IMMP2L: variants seen among roughly 807,000 people sequenced by gnomAD.
The protein encoded by IMMP2L is mitochondrial inner membrane protease subunit 2.
In IMMP2L, 18 loss-of-function variants were observed where a neutral mutation model predicts 19.3. The observed-to-expected ratio is 0.93, with a 90% CI of 0.64 to 1.38. The LOEUF (loss-of-function observed/expected upper bound fraction) is 1.38, where lower values mean the gene tolerates loss of function less well. Among genes scored for constraint, IMMP2L ranks in the 40% most tolerant of loss-of-function variants. The probability of loss-of-function intolerance (pLI) is 0.00; values close to 1 mark genes in which losing one functional copy is unlikely to be tolerated. For missense variants in IMMP2L, 233 were observed against 218.2 expected, an observed-to-expected ratio of 1.07 and a Z score of -0.43; for synonymous variants, 76 against 73.0, an observed-to-expected ratio of 1.04 and a Z score of -0.21.
intron 5 of IMMP2L, among the ~76,000 whole-genome samples, chr7:110,705,407 C>G (rs1794588424): frequency 6.6e-6 from 1 of 151,914 alleles, no homozygotes; most frequent in Non-Finnish European, 1.5e-5. Flanking sequence ...TATCTGCTTG[C>G]TGTGAACTGA....
intron 3 of IMMP2L, among the ~76,000 whole-genome samples, chr7:111,431,930 T>A (rs547207659): frequency 1.3e-5 from 2 of 150,056 alleles, no homozygotes; most frequent in Admixed American, 6.6e-5. Flanking sequence ...TCCTCAGATT[T>A]AAAAAAAAAA....
At chr7:110,873,640 G>A (rs1808767394) in intron 5 of IMMP2L, among the ~76,000 whole-genome samples, 1 of 151,220 alleles carries the variant, frequency 6.6e-6, no homozygotes, top group Non-Finnish European at 1.5e-5. Context: ...CAGGCATGGT[G>A]GCACACACCT....
intron 3 of IMMP2L, among the ~76,000 whole-genome samples, chr7:111,455,436 C>T (rs1462457064): frequency 1.3e-5 from 2 of 152,010 alleles, no homozygotes; most frequent in African/African-American, 4.8e-5. Context: ...AAAAGTATGA[C>T]TTTTGATCCA....
At chr7:110,864,600 C>G (rs1461016297) in intron 5 of IMMP2L, among the ~76,000 whole-genome samples, 1 of 151,952 alleles carries the variant, frequency 6.6e-6, no homozygotes, top group Non-Finnish European at 1.5e-5. Flanking sequence ...TGAAGAAACA[C>G]AGAGTGCAAA....
intron 3 of IMMP2L, among the ~76,000 whole-genome samples, chr7:111,281,492 C>T (rs1227915648): frequency 6.6e-6 from 1 of 152,100 alleles, no homozygotes; most frequent in Admixed American, 6.6e-5. Context: ...GAAGTCTATA[C>T]TTTATATACT....
intron 3 of IMMP2L, among the ~76,000 whole-genome samples, chr7:111,070,295 G>A (rs1794844388): frequency 6.6e-6 from 1 of 152,130 alleles, no homozygotes; most frequent in East Asian, 1.9e-4. Context: ...AATATCAGCA[G>A]TCTAACATGC....
chr7:111,528,828 T>G (rs776410108), intron 1 of IMMP2L, among the ~76,000 whole-genome samples: 11 of 152,144 alleles, frequency 7.2e-5, no homozygotes, highest in Non-Finnish European at 1.5e-4. Flanking sequence ...ATGTAACCTT[T>G]CAATCATCAT....
intron 3 of IMMP2L, among the ~76,000 whole-genome samples, chr7:111,433,126 G>A (rs1836804375): frequency 1.3e-5 from 2 of 151,672 alleles, no homozygotes; most frequent in South Asian, 4.2e-4. Context: ...GAGGCCTCAG[G>A]ATACTTACAA....
At chr7:111,088,864 G>A (rs1335035427) in intron 3 of IMMP2L, among the ~76,000 whole-genome samples, 1 of 152,088 alleles carries the variant, frequency 6.6e-6, no homozygotes, top group African/African-American at 2.4e-5. Flanking sequence ...ATTCCATAAA[G>A]CTGCTGATGC....
intron 3 of IMMP2L, among the ~76,000 whole-genome samples, chr7:111,112,172 T>C (rs1243031547): frequency 1.3e-5 from 2 of 151,950 alleles, no homozygotes; most frequent in African/African-American, 4.8e-5. Context: ...TTCGCCATGT[T>C]GGCTGGTCTT....
chr7:110,959,836 T>C (rs1394602369), intron 4 of IMMP2L, among the ~76,000 whole-genome samples: 4 of 152,036 alleles, frequency 2.6e-5, no homozygotes, highest in African/African-American at 7.2e-5. Flanking sequence ...CAACTCCTGT[T>C]CCCTCAACTC....
chr7:110,687,151 T>C (rs943884586), intron 5 of IMMP2L, among the ~76,000 whole-genome samples: 2 of 152,080 alleles, frequency 1.3e-5, no homozygotes, highest in African/African-American at 4.8e-5. Context: ...GGTTACTCTG[T>C]ATTCATAACA....
chr7:111,052,394 T>C (rs1793087811), intron 3 of IMMP2L, among the ~76,000 whole-genome samples: 1 of 152,206 alleles, frequency 6.6e-6, no homozygotes, highest in Non-Finnish European at 1.5e-5. Flanking sequence ...CATCCCCTTT[T>C]ACCTTACTTA....
At chr7:111,114,058 C>A (rs1188974122) in intron 3 of IMMP2L, among the ~76,000 whole-genome samples, 2 of 151,874 alleles carry the variant, frequency 1.3e-5, no homozygotes, top group African/African-American at 4.8e-5. Context: ...AATTTTAATG[C>A]ATAAATTTAG....
At chr7:110,725,751 T>C (rs1795846188) in intron 5 of IMMP2L, 1 of 152,140 alleles carries the variant, frequency 6.6e-6, no homozygotes, top group African/African-American at 2.4e-5. Context: ...TCATTCTGAG[T>C]CCATGGATTA....
chr7:110,980,951 C>G (rs187725002), intron 3 of IMMP2L, among the ~76,000 whole-genome samples: 8 of 152,138 alleles, frequency 5.3e-5, no homozygotes, highest in Non-Finnish European at 1.0e-4. Flanking sequence ...TGTAAATAAT[C>G]AAGTTTTTAG....
At chr7:110,786,817 A>G (rs1167079994) in intron 5 of IMMP2L, among the ~76,000 whole-genome samples, 5 of 152,048 alleles carry the variant, frequency 3.3e-5, no homozygotes, top group Admixed American at 3.3e-4. Context: ...GCCAAAGGGC[A>G]TGTTGGGAAT....
chr7:111,100,177 T>C (rs925846140), intron 3 of IMMP2L, among the ~76,000 whole-genome samples: 10 of 151,596 alleles, frequency 6.6e-5, no homozygotes, highest in African/African-American at 1.5e-4. Flanking sequence ...TGGTGTCTGG[T>C]TACATGAATA....
At chr7:110,995,214 C>T (rs1324187326) in intron 3 of IMMP2L, among the ~76,000 whole-genome samples, 1 of 151,880 alleles carries the variant, frequency 6.6e-6, no homozygotes, top group Non-Finnish European at 1.5e-5. Flanking sequence ...TTACGGGCTC[C>T]GTTAAAGTGA....
Sources: gnomAD v4.1 joint callset for allele counts (sites outside exome capture counted in the v4.1 genomes callset) on GRCh38, gnomAD v4.1.1 for gene constraint, MANE v1.5 for transcripts, NCBI Gene and HGNC (gene_info 2026-07-23, HGNC 2026-07-21) for gene names.